Variants in ZNF862 observed in about 807,000 individuals in gnomAD.
ZNF862 encodes the protein zinc finger protein 862.
Under a neutral mutation model 91.1 loss-of-function variants are expected in ZNF862, and 64 were observed. That is an observed-to-expected ratio of 0.70 (90% CI 0.57 to 0.87). The LOEUF is 0.87. ZNF862 is among the 40% of genes least tolerant of loss of function. The pLI is 0.00. For missense variants in ZNF862, 1,459 were observed against 1,528.0 expected (o/e 0.95, Z 0.75); for synonymous variants, 631 against 618.1 (o/e 1.02, Z -0.31).
rs537057378 is a variant in ZNF862 at position 149,842,065 on chromosome 7, C to T, written c.25-2560C>T. Among the ~76,000 whole-genome samples the T allele has an allele frequency of 1.1e-4, 16 of 152,230 alleles. No homozygotes were observed. In the South Asian group the frequency reaches 3.1e-3, roughly 30 times the overall value. On this transcript the variant is annotated intron_variant, in intron 1 of 7. Coordinates refer to ENST00000223210, the MANE Select transcript of ZNF862 (RefSeq NM_001099220.3). ...ACTGGACTCCAGGGGGGATATAAAGCCTTCCTTGCTCAGGAGAAGGATAAA... is the reference window on the plus strand; with the variant it reads ...ACTGGACTCCAGGGGGGATATAAAGTCTTCCTTGCTCAGGAGAAGGATAAA...
chr7:149,862,469 C>T lies in ZNF862; in HGVS notation c.3309C>T (p.Ala1103=), dbSNP rs748550772. 1 of 1,600,642 alleles carries T rather than the reference C, an allele frequency of 6.2e-7. No homozygotes were observed. Among genetic ancestry groups the T allele is most frequent in the Non-Finnish European group, 8.5e-7 (1 of 1,171,204 alleles). The change falls in exon 7 of 8, where the codon GCC becomes GCT. Residue 1103 remains alanine, a synonymous_variant. Coordinates refer to ENST00000223210, the MANE Select transcript of ZNF862 (RefSeq NM_001099220.3). ...GRRFSHVYTC[A]QVPARSPASA... The stretch of plus-strand genomic sequence containing the variant: ...GTTTCAGCCATGTCTACACCTGTGC[C>T]CAGGTGCCAGCCCGCTCCCCTGCAA...
intron 1 of ZNF862, chr7:149,841,363 A>G: frequency 1.0e-6 from 1 of 985,454 alleles, no homozygotes; most frequent in Non-Finnish European, 1.2e-6. Context: ...CTTGCCTGTC[A>G]TTGACAGAAT....
At chr7:149,853,719 C>T (rs1303201212) in intron 5 of ZNF862, among the ~76,000 whole-genome samples, 1 of 152,096 alleles carries the variant, frequency 6.6e-6, no homozygotes, top group Admixed American at 6.6e-5. Context: ...AGGTGGATCA[C>T]CTGAGGTCGG....
intron 1 of ZNF862, among the ~76,000 whole-genome samples, chr7:149,839,605 A>T (rs1286730669): frequency 6.6e-6 from 1 of 152,176 alleles, no homozygotes; most frequent in Non-Finnish European, 1.5e-5. Flanking sequence ...AAAGAGAGAA[A>T]AGGATAATGA....
chr7:149,844,751 C>CCA lies in ZNF862; in HGVS notation c.136+18_136+19dup. 1 of 1,496,808 alleles carries CCA rather than the reference C, an allele frequency of 6.7e-7. No individual in the cohort carries two copies. Among genetic ancestry groups the CCA allele is most frequent in the Non-Finnish European group, 9.2e-7 (1 of 1,092,416 alleles). The allele number at this position is 1,496,808 out of a possible 1,614,324, so 92.7% of individuals were successfully genotyped here. A position where few individuals can be genotyped will look rare whatever the true frequency, so the allele number is the denominator to read the frequency against. On this transcript the variant is annotated intron_variant, in intron 2 of 7. Coordinates refer to ENST00000223210, the MANE Select transcript of ZNF862 (RefSeq NM_001099220.3). ...GGCACCACTGGGTATGGGTGCCCAT[C>CCA]CACATCCCTGCCACTGTCAATTTAG...
Position 149,850,446 on chromosome 7 carries a change from G to C in ZNF862, c.1117+108G>C. 3 of 1,202,194 alleles carry C rather than the reference G, an allele frequency of 2.5e-6. No individual in the cohort carries two copies. The highest frequency in any genetic ancestry group is 3.4e-6 in the Non-Finnish European group (3 of 870,398). 74.5% of individuals were successfully genotyped at this position (1,202,194 alleles called of 1,614,324 possible). On this transcript the variant is annotated intron_variant, in intron 5 of 7. Transcript: ENST00000223210. The surrounding 1 kb of genome is among the most constrained non-coding windows in gnomAD (Gnocchi z 4.2). ...TCCCATTCCTGCCCCCTCCCTGTGT[G>C]TAGGCAGAGACCGATCCTGTCTTTT...
At position 149,838,550 on chromosome 7, in the gene ZNF862, G is replaced by A. The variant is rs1241369151; in HGVS notation, c.-62G>A. On this transcript the variant is annotated 5_prime_UTR_variant, in exon 1 of 8. Transcript: ENST00000223210. ...CCTGGGTCCCCGGGGCGGTCGCGGCGGCTGCATCCTCAGGCCAGGCCGCGG... is the reference window on the plus strand; with the variant it reads ...CCTGGGTCCCCGGGGCGGTCGCGGCAGCTGCATCCTCAGGCCAGGCCGCGG... The A allele has an allele frequency of 6.1e-6, 7 of 1,142,042 alleles. No individual in the cohort carries two copies. The highest frequency in any genetic ancestry group is 6.6e-6 in the Non-Finnish European group (6 of 905,708). The allele number at this position is 1,142,042 out of a possible 1,614,324, so 70.7% of individuals were successfully genotyped here.
Position 149,864,126 on chromosome 7 carries a change from G to T in ZNF862, c.3352G>T (p.Glu1118Ter). The T allele has an allele frequency of 6.3e-7, 1 of 1,586,270 alleles. No individual in the cohort carries two copies. The highest frequency in any genetic ancestry group is 2.3e-5 in the East Asian group (1 of 43,494). ...CCTCACAGGCGCCAGGCTCAGGAAG[G>T]AGGAGATGGGAGCCCTCTATGTGGA... ...RSPASARLRK[E>*]EMGALYVEEP... is the part of the protein sequence containing the mutation. The change falls in exon 8 of 8, where the codon GAG (glutamate) becomes TAG (stop). Residue 1118 changes from glutamate to a stop codon, truncating the protein, a stop_gained. Transcript: ENST00000223210. LOFTEE classifies it low-confidence loss of function (END_TRUNC).
Position 149,861,869 on chromosome 7 carries a change from C to A in ZNF862, c.2709C>A (p.His903Gln), listed in dbSNP as rs367952368. 28 of 1,613,610 alleles carry A rather than the reference C, an allele frequency of 1.7e-5. No homozygotes were observed. The highest frequency in any genetic ancestry group is 2.2e-5 in the Non-Finnish European group (26 of 1,179,902). ...CCAGCTTCAAGGATGGGCGGCTCCA[C>A]GGCATCTGCTTGGACAAACTGGAGG... ...FNASFKDGRLHGICLDKLEVA... is the reference protein window; with the variant it reads ...FNASFKDGRLQGICLDKLEVA... The change falls in exon 7 of 8, where the codon CAC becomes CAA. Residue 903 changes from histidine (H) to glutamine (Q), a missense_variant. By Grantham distance (24) the His-to-Gln change is conservative. Coordinates refer to ENST00000223210, the MANE Select transcript of ZNF862 (RefSeq NM_001099220.3). The surrounding 1 kb of genome is among the most constrained non-coding windows in gnomAD (Gnocchi z 6.7).
intron 5 of ZNF862, among the ~76,000 whole-genome samples, chr7:149,857,825 T>C (rs1327097616): frequency 6.6e-6 from 1 of 152,126 alleles, no homozygotes; most frequent in Non-Finnish European, 1.5e-5. Context: ...GTCTCCTGTT[T>C]GGAGGGTATG....
In ZNF862 at chr7:149,856,598, C is replaced by T. The variant is rs537441881; in HGVS notation, c.1118-2824C>T. On this transcript the variant is annotated intron_variant, in intron 5 of 7. Coordinates refer to ENST00000223210, the MANE Select transcript of ZNF862 (RefSeq NM_001099220.3). ...AAACTCCTCCGAAGAGTCTTTTCCA[C>T]GTGACGGGACATCCTGTGATCTCTC... Among the ~76,000 whole-genome samples, 16 of 152,344 alleles carry T rather than the reference C, an allele frequency of 1.1e-4. No homozygotes were observed. In the South Asian group the frequency reaches 2.1e-3, roughly 20 times the overall value.
At position 149,861,542 on chromosome 7, in the gene ZNF862, G is replaced by A. The variant is rs1348752459; in HGVS notation, c.2382G>A (p.Arg794=). 3 of 1,602,360 alleles carry A rather than the reference G, an allele frequency of 1.9e-6. No homozygotes were observed. In the South Asian group the frequency reaches 3.3e-5, roughly 18 times the overall value. The change falls in exon 7 of 8, where the codon AGG becomes AGA. Residue 794 remains arginine, a synonymous_variant. Coordinates refer to ENST00000223210, the MANE Select transcript of ZNF862 (RefSeq NM_001099220.3). This position sits in a 1 kb window ranked among gnomAD's most constrained non-coding sequence, Gnocchi z 6.7. Reference sequence around the variant, plus strand: ...CGGTCCGCTGGGTGGCCAGCAGGAGGCGCACGCTGCACGCGCTGCTCGTGA... The same window carrying A: ...CGGTCCGCTGGGTGGCCAGCAGGAGACGCACGCTGCACGCGCTGCTCGTGA... ...LNAVRWVASR[R]RTLHALLVSW...
chr7:149,866,526 T>A lies in ZNF862; in HGVS notation c.*2242T>A, dbSNP rs572534911. The stretch of plus-strand genomic sequence containing the variant: ...CATCCTGTGAGCAGCCGTGAGTGGG[T>A]CTCTGTGGGAGTAGTTCTGGAGCTG... On this transcript the variant is annotated 3_prime_UTR_variant, in exon 8 of 8. Transcript: ENST00000223210. 1 of 152,162 alleles carries A rather than the reference T, an allele frequency of 6.6e-6. No homozygotes were observed. The highest frequency in any genetic ancestry group is 1.9e-4 in the East Asian group (1 of 5,158). 9.4% of individuals were successfully genotyped at this position (152,162 alleles called of 1,614,324 possible).
rs1172830796 is a variant in ZNF862, at chr7:149,850,526, C to T, written c.1117+188C>T. On this transcript the variant is annotated intron_variant, in intron 5 of 7. Transcript: ENST00000223210. This position sits in a 1 kb window ranked among gnomAD's most constrained non-coding sequence, Gnocchi z 4.2. The stretch of plus-strand genomic sequence containing the variant: ...CTGTGCTTTATCACCTTCTCATCCA[C>T]CCACCTGTTCATCCATTCGTCCCCC... 1.7e-6 allele frequency: 1 copy of T among 587,284 alleles called. No homozygotes were observed. The highest frequency in any genetic ancestry group is 3.2e-5 in the Admixed American group (1 of 31,354). 36.4% of individuals were successfully genotyped at this position (587,284 alleles called of 1,614,324 possible).
chr7:149,853,080 G>C (rs543725517), intron 5 of ZNF862, among the ~76,000 whole-genome samples: 1 of 152,364 alleles, frequency 6.6e-6, no homozygotes, highest in East Asian at 1.9e-4. Context: ...TGAGGGGCTA[G>C]AGTGGCATCT....
At chr7:149,863,613 G>A (rs183891017) in intron 7 of ZNF862, among the ~76,000 whole-genome samples, 75 of 152,346 alleles carry the variant, frequency 4.9e-4, no homozygotes, top group Non-Finnish European at 8.5e-4. Flanking sequence ...ATGATGTCAG[G>A]TGTGCCCTGA....
At position 149,846,221 on chromosome 7, in the gene ZNF862, C is replaced by T; in HGVS notation, c.207C>T (p.Val69=). The change falls in exon 3 of 8, where the codon GTC becomes GTT. Residue 69 remains valine, a synonymous_variant. Transcript: ENST00000223210. ...GGCCAGAGCCATGGCTTGGCAGCGT[C>T]CAGGGCCAGAGGAGCCTTCTGGAGC... ...GRGPEPWLGS[V]QGQRSLLEHH... 1 of 1,613,710 alleles carries T rather than the reference C, an allele frequency of 6.2e-7. No individual in the cohort carries two copies. Among genetic ancestry groups the T allele is most frequent in the Middle Eastern group, 1.7e-4 (1 of 6,056 alleles).
At chr7:149,845,010 C>T (rs974597513) in intron 2 of ZNF862, 4 of 378,526 alleles carry the variant, frequency 1.1e-5, no homozygotes, top group Non-Finnish European at 1.9e-5. Flanking sequence ...CCTCAGAATG[C>T]CCCAAGGGGC....
Position 149,860,613 on chromosome 7 carries a change from C to T in ZNF862, c.1453C>T (p.Leu485Phe), listed in dbSNP as rs763735487. 5.6e-6 allele frequency: 9 copies of T among 1,613,904 alleles called. No homozygotes were observed. In the South Asian group the frequency reaches 6.6e-5, roughly 12 times the overall value. ...WLVIDPKETKLFCSACIERPN... is the reference protein window; with the variant it reads ...WLVIDPKETKFFCSACIERPN... The stretch of plus-strand genomic sequence containing the variant: ...AGTAATTGACCCCAAAGAGACCAAA[C>T]TCTTCTGCTCAGCCTGCATAGAAAG... The change falls in exon 7 of 8, where the codon CTC (leucine) becomes TTC (phenylalanine). Residue 485 changes from leucine to phenylalanine, a missense_variant. Physicochemically the swap from Leu to Phe is conservative, Grantham distance 22. Transcript: ENST00000223210.
Sources: allele counts gnomAD v4.1 joint callset (sites outside exome capture counted in the v4.1 genomes callset), GRCh38; gene constraint gnomAD v4.1.1; non-coding constraint Gnocchi (gnomAD v3.1); transcripts MANE v1.5; gene names NCBI Gene and HGNC (gene_info 2026-07-23, HGNC 2026-07-21).